The following PCNX2 variants were observed in gnomAD, a reference collection of about 807,000 sequenced individuals.
PCNX2 encodes the protein pecanex-like protein 2.
A neutral mutation model predicts 223.8 loss-of-function variants in PCNX2; 168 were observed. That is an observed-to-expected ratio of 0.75 (90% confidence interval 0.66 to 0.85). The LOEUF (loss-of-function observed/expected upper bound fraction) is 0.85, where lower values mean the gene tolerates loss of function less well. PCNX2 is among the 40% of genes least tolerant of loss of function. The pLI is 0.00. For missense variants in PCNX2, 2,507 were observed against 2,675.5 expected (o/e 0.94, Z 1.39); for synonymous variants, 1,006 against 1,052.6 (o/e 0.96, Z 0.86).
At chr1:233,102,266 T>C (rs1395014663) in intron 21 of PCNX2, among the ~76,000 whole-genome samples, 7 of 152,174 alleles carry the variant, frequency 4.6e-5, no homozygotes, top group African/African-American at 1.7e-4. Flanking sequence ...ACGGTTTCTT[T>C]ATCCATTCAT....
intron 13 of PCNX2, among the ~76,000 whole-genome samples, chr1:233,206,292 C>T (rs1681454769): frequency 1.3e-5 from 2 of 152,002 alleles, no homozygotes; most frequent in African/African-American, 4.8e-5. Context: ...TTATTTTATG[C>T]TTTCTCCTTC....
intron 23 of PCNX2, among the ~76,000 whole-genome samples, chr1:233,070,566 A>C (rs1387700147): frequency 6.6e-6 from 1 of 152,158 alleles, no homozygotes; most frequent in Non-Finnish European, 1.5e-5. Context: ...ATGCACAGAA[A>C]TCAGTCAGTA....
At chr1:233,025,603 G>C (rs975796870) in intron 25 of PCNX2, 4 of 640,880 alleles carry the variant, frequency 6.2e-6, no homozygotes, top group Non-Finnish European at 1.0e-5. Context: ...CATTCAGTCT[G>C]AGTCTCTGTA....
At chr1:233,284,535 C>CA (rs1243274269) in intron 1 of PCNX2, among the ~76,000 whole-genome samples, 44 of 152,262 alleles carry the variant, frequency 2.9e-4, no homozygotes, top group African/African-American at 1.1e-3. Context: ...CTTTACTGTA[C>CA]AGCACCTGCA....
chr1:233,036,798 T>C (rs1336332151), intron 25 of PCNX2, among the ~76,000 whole-genome samples: 1 of 152,212 alleles, frequency 6.6e-6, no homozygotes, highest in Non-Finnish European at 1.5e-5. Flanking sequence ...ATACTAGAAT[T>C]TCTAAGAAAT....
the PCNX2 span, among the ~76,000 whole-genome samples, chr1:233,310,541 A>G: frequency 6.6e-6 from 1 of 152,170 alleles, no homozygotes; most frequent in Admixed American, 6.5e-5. Context: ...GTTCTGGAAC[A>G]GTAGTAGGAG....
chr1:233,231,479 G>C (rs576664542), intron 9 of PCNX2: 3 of 215,966 alleles, frequency 1.4e-5, no homozygotes, highest in Non-Finnish European at 2.4e-5. Flanking sequence ...ATGTGAAAGA[G>C]AGTAAGTGAT....
chr1:233,264,294 C>G (rs1325379395), intron 1 of PCNX2, among the ~76,000 whole-genome samples: 1 of 152,126 alleles, frequency 6.6e-6, no homozygotes. Flanking sequence ...TCCAGGACAG[C>G]CTCAATGATT....
chr1:233,175,609 T>C (rs757716396), intron 17 of PCNX2, among the ~76,000 whole-genome samples: 27 of 152,206 alleles, frequency 1.8e-4, no homozygotes, highest in Admixed American at 3.9e-4. Flanking sequence ...GAAAATGCTG[T>C]AGGAATGTCA....
intron 32 of PCNX2, 23 bp from the exon 33 acceptor site, chr1:232,986,563 G>C: frequency 6.7e-7 from 1 of 1,484,690 alleles, no homozygotes; most frequent in Non-Finnish European, 8.9e-7. Context: ...GCAGAACACA[G>C]AGTTGTAGCG....
intron 2 of PCNX2, among the ~76,000 whole-genome samples, 164 bp from the exon 3 acceptor site, chr1:233,262,329 T>C (rs926086478): frequency 6.6e-6 from 1 of 152,082 alleles, no homozygotes; most frequent in Non-Finnish European, 1.5e-5. Flanking sequence ...CTTCGCTCTG[T>C]CTGGGTAGAC....
In PCNX2 at chr1:233,248,771, T is replaced by C. The variant is rs542138241; in HGVS notation, c.2222+1968A>G. On this transcript the variant is annotated intron_variant, in intron 8 of 33. Transcript: ENST00000258229. ...AAGAAAGGGCCTGGTATTCTGAGAC[T>C]CTCCACCAAGCCACACGCCTCACAA... Among the ~76,000 whole-genome samples, 13 of 152,174 alleles carry C rather than the reference T, an allele frequency of 8.5e-5. No homozygotes were observed. In the East Asian group the frequency reaches 2.5e-3, roughly 29 times the overall value.
At chr1:233,141,715 A>ACCTG (rs1553299469) in intron 19 of PCNX2, among the ~76,000 whole-genome samples, 3 of 79,978 alleles carry the variant, frequency 3.8e-5, no homozygotes, top group African/African-American at 3.7e-4. Context: ...GTATATATAT[A>ACCTG]TCTGTGTGTG....
chr1:233,128,470 G>C (rs985783365), intron 21 of PCNX2, among the ~76,000 whole-genome samples: 2 of 152,118 alleles, frequency 1.3e-5, no homozygotes, highest in African/African-American at 4.8e-5. Flanking sequence ...GAGTAGCTGG[G>C]ATTACAGGCA....
chr1:233,190,212 GA>G (rs142627951), intron 15 of PCNX2, among the ~76,000 whole-genome samples: 1 of 149,294 alleles, frequency 6.7e-6, no homozygotes, highest in South Asian at 2.1e-4. Context: ...GAGATGAAAG[GA>G]AAAAAAAATC....
intron 15 of PCNX2, among the ~76,000 whole-genome samples, chr1:233,182,849 C>T (rs1679881084): frequency 6.6e-6 from 1 of 152,096 alleles, no homozygotes; most frequent in African/African-American, 2.4e-5. Flanking sequence ...GAACAGAATC[C>T]TCCTCCTTTG....
chr1:233,324,618 T>TTTTTA, the PCNX2 span, among the ~76,000 whole-genome samples: 2 of 150,770 alleles, frequency 1.3e-5, no homozygotes, highest in African/African-American at 4.9e-5. Context: ...TTTTTTTTTT[T>TTTTTA]GAGACGGAGT....
At position 233,250,806 on chromosome 1, in the gene PCNX2, A is replaced by AT. The variant is rs1391779819; in HGVS notation, c.2154dup (p.Ser719IlefsTer16). On this transcript the variant is annotated frameshift_variant, in exon 8 of 34. Coordinates refer to ENST00000258229, the MANE Select transcript of PCNX2 (RefSeq NM_014801.4). LOFTEE classifies it high-confidence loss of function. Reference sequence around the variant, plus strand: ...AAAGGGCCTTCTTTCTGATTTCCAGATTTTAAATAACAGGATCTAATTTCC... The same window carrying AT: ...AAAGGGCCTTCTTTCTGATTTCCAGATTTTTAAATAACAGGATCTAATTTCC... 1 of 1,599,374 alleles carries AT rather than the reference A, an allele frequency of 6.3e-7. No homozygotes were observed. The highest frequency in any genetic ancestry group is 1.7e-5 in the Admixed American group (1 of 58,220).
chr1:233,031,573 C>T (rs554701652), intron 25 of PCNX2, among the ~76,000 whole-genome samples: 2 of 152,224 alleles, frequency 1.3e-5, no homozygotes, highest in South Asian at 4.2e-4. Flanking sequence ...CCATAATATG[C>T]CAGAGATTGA....
Sources: allele counts gnomAD v4.1 joint callset (sites outside exome capture counted in the v4.1 genomes callset), GRCh38; gene constraint gnomAD v4.1.1; transcripts MANE v1.5; gene names NCBI Gene and HGNC (gene_info 2026-07-23, HGNC 2026-07-21).